HIF1AN: variants seen among roughly 807,000 people sequenced by gnomAD.
HIF1AN encodes the protein hypoxia inducible factor 1 subunit alpha inhibitor, also known as hypoxia-inducible factor 1-alpha inhibitor.
Under a neutral mutation model 47.7 loss-of-function variants are expected in HIF1AN, and 21 were observed. The observed-to-expected ratio is 0.44, with a 90% CI of 0.31 to 0.63. The LOEUF (loss-of-function observed/expected upper bound fraction) is 0.63. HIF1AN is among the 30% of genes least tolerant of loss of function. The probability of loss-of-function intolerance (pLI) is 0.07; values close to 1 mark genes in which losing one functional copy is unlikely to be tolerated. For missense variants in HIF1AN, 320 were observed against 432.7 expected (o/e 0.74, Z 2.31); for synonymous variants, 152 against 155.9 (o/e 0.98, Z 0.18).
chr10:100,548,205 C>G lies in HIF1AN; in HGVS notation c.*68C>G. The G allele has an allele frequency of 7.4e-7, 1 of 1,359,038 alleles. No individual in the cohort carries two copies. The highest frequency in any genetic ancestry group is 1.9e-4 in the Middle Eastern group (1 of 5,324). 84.2% of individuals were successfully genotyped at this position (1,359,038 alleles called of 1,614,324 possible). A position where few individuals can be genotyped will look rare whatever the true frequency, so the allele number is the denominator to read the frequency against. ...GTCCACACCGCTTCATTGATGAGGA[C>G]AGGAGACTCCAAGCGCTAGTATTGC... On this transcript the variant is annotated 3_prime_UTR_variant, in exon 8 of 8. Coordinates refer to ENST00000299163, the MANE Select transcript of HIF1AN (RefSeq NM_017902.3).
In HIF1AN at chr10:100,536,155, C is replaced by T. The variant is rs1449052897; in HGVS notation, c.177+20C>T. The T allele has an allele frequency of 2.5e-6, 4 of 1,573,650 alleles. No individual in the cohort carries two copies. In the African/African-American group the frequency reaches 5.4e-5, roughly 21 times the overall value. On this transcript the variant is annotated intron_variant, in intron 1 of 7. Coordinates refer to ENST00000299163, the MANE Select transcript of HIF1AN (RefSeq NM_017902.3). The stretch of plus-strand genomic sequence containing the variant: ...AATGAGGTGGGGGGCGGGGCCGCGT[C>T]TAAAGGGAGAGGAGGAAGGTACCCG...
At position 100,549,043 on chromosome 10, in the gene HIF1AN, G is replaced by GGT. The variant is rs960226680; in HGVS notation, c.*922_*923dup. The GGT allele has an allele frequency of 3.4e-4, 38 of 111,722 alleles. No individual in the cohort carries two copies. Among genetic ancestry groups the GGT allele is most frequent in the South Asian group, 1.7e-3 (6 of 3,566 alleles). 6.9% of individuals were successfully genotyped at this position (111,722 alleles called of 1,614,324 possible). Reference sequence around the variant, plus strand: ...TCCACACTAGGGGTGCAAGCCTCTGGGTGTGTGTGTGTGTGTGCGTGCGTG... The same window carrying GGT: ...TCCACACTAGGGGTGCAAGCCTCTGGGTGTGTGTGTGTGTGTGTGCGTGCGTG... On this transcript the variant is annotated 3_prime_UTR_variant, in exon 8 of 8. Coordinates refer to ENST00000299163, the MANE Select transcript of HIF1AN (RefSeq NM_017902.3).
chr10:100,539,750 G>A (rs993449013), intron 2 of HIF1AN, among the ~76,000 whole-genome samples: 1 of 152,186 alleles, frequency 6.6e-6, no homozygotes, highest in African/African-American at 2.4e-5. Context: ...GCGTAAATAA[G>A]CAAGCCTGGC....
rs915988721 is a variant in HIF1AN at position 100,558,694 on chromosome 10, A to G, written c.*10557A>G. The G allele has an allele frequency of 3.3e-5, 5 of 152,214 alleles. No individual in the cohort carries two copies. Among genetic ancestry groups the G allele is most frequent in the African/African-American group, 1.2e-4 (5 of 41,456 alleles). The allele number at this position is 152,214 out of a possible 1,614,324, so 9.4% of individuals were successfully genotyped here. A position where few individuals can be genotyped will look rare whatever the true frequency, so the allele number is the denominator to read the frequency against. On this transcript the variant is annotated 3_prime_UTR_variant, in exon 8 of 8. Transcript: ENST00000299163. ...TGTGATAGGGCTTTATGAGGCCACAAATAGCACTTTCTGGGTCCTTTCACA... is the reference window on the plus strand; with the variant it reads ...TGTGATAGGGCTTTATGAGGCCACAGATAGCACTTTCTGGGTCCTTTCACA...
intron 7 of HIF1AN, 142 bp downstream of exon 7, chr10:100,547,392 C>G: frequency 1.7e-6 from 1 of 593,928 alleles, no homozygotes; most frequent in Non-Finnish European, 3.0e-6. Context: ...CAGAAAAATT[C>G]TTGTTTTCTG....
chr10:100,536,836 G>A (rs1028766717), intron 2 of HIF1AN, among the ~76,000 whole-genome samples, 175 bp downstream of exon 2: 5 of 152,164 alleles, frequency 3.3e-5, no homozygotes, highest in African/African-American at 1.2e-4. Flanking sequence ...AGTTCTTAGT[G>A]GTTCTTGGTG....
rs1386952878 is a variant in HIF1AN at position 100,556,994 on chromosome 10, T to G, written c.*8857T>G. 6.6e-6 allele frequency: 1 copy of G among 152,112 alleles called. No individual in the cohort carries two copies. The highest frequency in any genetic ancestry group is 2.4e-5 in the African/African-American group (1 of 41,398). The allele number at this position is 152,112 out of a possible 1,614,324, so 9.4% of individuals were successfully genotyped here. A position where few individuals can be genotyped will look rare whatever the true frequency, so the allele number is the denominator to read the frequency against. Reference sequence around the variant, plus strand: ...CAAGATAATGGTGCTTGAAGTGAAATCACAGAAGAGATGACTGGGGCAGGA... The same window carrying G: ...CAAGATAATGGTGCTTGAAGTGAAAGCACAGAAGAGATGACTGGGGCAGGA... On this transcript the variant is annotated 3_prime_UTR_variant, in exon 8 of 8. Coordinates refer to ENST00000299163, the MANE Select transcript of HIF1AN (RefSeq NM_017902.3).
intron 3 of HIF1AN, among the ~76,000 whole-genome samples, chr10:100,542,130 CAAAAA>C (rs892151506): frequency 1.0e-4 from 14 of 133,408 alleles, no homozygotes; most frequent in African/African-American, 3.6e-4. Flanking sequence ...TTTTTATTGC[CAAAAA>C]AAAAAAAGAT....
chr10:100,548,367 C>T lies in HIF1AN; in HGVS notation c.*230C>T, dbSNP rs1353360785. 2 of 484,882 alleles carry T rather than the reference C, an allele frequency of 4.1e-6. No individual in the cohort carries two copies. The highest frequency in any genetic ancestry group is 7.3e-6 in the Non-Finnish European group (2 of 275,128). 30.0% of individuals were successfully genotyped at this position (484,882 alleles called of 1,614,324 possible). On this transcript the variant is annotated 3_prime_UTR_variant, in exon 8 of 8. Transcript: ENST00000299163. ...TCTTGTGCCCCAGCACCTTCTCTCT[C>T]TGCCCCCCGCCTAAAGTCCTGCATT...
chr10:100,542,846 G>GTTTTTTTTTTTTTTTTT (rs397730143), intron 3 of HIF1AN, among the ~76,000 whole-genome samples: 2 of 111,762 alleles, frequency 1.8e-5, no homozygotes, highest in Non-Finnish European at 3.4e-5. Flanking sequence ...ATGTGAATGT[G>GTTTTTTTTTTTTTTTTT]TTTTTTTTTT....
rs781369678 is a variant in HIF1AN, at chr10:100,540,676, G to T, written c.471G>T (p.Lys157Asn). The part of the protein sequence containing the change: ...QQTLNDTVGR[K>N]IVMDFLGFNW... ...CGCTCAATGACACTGTGGGCAGGAAGATTGTCATGGACTTCTTAGGTTTTA... is the reference window on the plus strand; with the variant it reads ...CGCTCAATGACACTGTGGGCAGGAATATTGTCATGGACTTCTTAGGTTTTA... Residue 157 changes from lysine (K) to asparagine (N), a missense_variant, in exon 3 of 8, where the codon AAG (lysine) becomes AAT (asparagine). Lys to Asn is a moderately conservative substitution (Grantham distance 94, BLOSUM62 0). Coordinates refer to ENST00000299163, the MANE Select transcript of HIF1AN (RefSeq NM_017902.3). 3 of 1,613,866 alleles carry T rather than the reference G, an allele frequency of 1.9e-6. No individual in the cohort carries two copies. Among genetic ancestry groups the T allele is most frequent in the Non-Finnish European group, 2.5e-6 (3 of 1,179,950 alleles).
chr10:100,547,360 C>G, intron 7 of HIF1AN, 110 bp downstream of exon 7: 1 of 692,222 alleles, frequency 1.4e-6, no homozygotes, highest in Non-Finnish European at 2.6e-6. Flanking sequence ...TCCTCTCTCT[C>G]CATAGAGGTT....
At chr10:100,544,885 G>T in intron 3 of HIF1AN, 66 bp from the exon 4 acceptor site, 1 of 1,508,312 alleles carries the variant, frequency 6.6e-7, no homozygotes. Flanking sequence ...TTAGCACTGG[G>T]TCCTGTATTC....
In HIF1AN at chr10:100,553,647, A is replaced by G. The variant is rs997718723; in HGVS notation, c.*5510A>G. On this transcript the variant is annotated 3_prime_UTR_variant, in exon 8 of 8. Transcript: ENST00000299163. ...ATATGTCCTTTAACTTTCAATGGTA[A>G]ACAATCTAGGATAGTGTTTAAAGGC... 2 of 152,248 alleles carry G rather than the reference A, an allele frequency of 1.3e-5. No individual in the cohort carries two copies. The highest frequency in any genetic ancestry group is 2.9e-5 in the Non-Finnish European group (2 of 68,048). The allele number at this position is 152,248 out of a possible 1,614,324, so 9.4% of individuals were successfully genotyped here. A position where few individuals can be genotyped will look rare whatever the true frequency, so the allele number is the denominator to read the frequency against.
intron 5 of HIF1AN, 141 bp downstream of exon 5, chr10:100,546,190 G>A (rs1589753344): frequency 2.4e-5 from 16 of 659,680 alleles, no homozygotes; most frequent in South Asian, 2.4e-4. Flanking sequence ...AGACATGAGC[G>A]TACTGAACCT....
intron 7 of HIF1AN, 63 bp downstream of exon 7, chr10:100,547,313 G>A (rs1031571528): frequency 1.3e-5 from 12 of 958,474 alleles, no homozygotes; most frequent in African/African-American, 4.9e-5. Flanking sequence ...GGATCAGAGC[G>A]ACATTCTTTA....
rs780983095 is a variant in HIF1AN, at chr10:100,536,062, A to G, written c.104A>G (p.Tyr35Cys). The G allele has an allele frequency of 6.2e-7, 1 of 1,612,274 alleles. No homozygotes were observed. Among genetic ancestry groups the G allele is most frequent in the South Asian group, 1.1e-5 (1 of 90,952 alleles). Residue 35 changes from tyrosine (Y) to cysteine (C), a missense_variant, in exon 1 of 8, where the codon TAT becomes TGT. Coordinates refer to ENST00000299163, the MANE Select transcript of HIF1AN (RefSeq NM_017902.3). ...TGGGATGAATCCCAGTTGCGCAGTT[A>G]TAGCTTCCCGACTAGGCCCATTCCG... ...PAWDESQLRS[Y>C]SFPTRPIPRL...
At position 100,536,439 on chromosome 10, in the gene HIF1AN, TTGTGTATCC is replaced by T; in HGVS notation, c.209_217del (p.Val70_Pro72del). ...CCTGTGGTGCTGACCGACACAAATC[TTGTGTATCC>T]TGCCCTGAAATGGGACCTTGAATAC... On this transcript the variant is annotated inframe_deletion, in exon 2 of 8. Coordinates refer to ENST00000299163, the MANE Select transcript of HIF1AN (RefSeq NM_017902.3). 6.2e-7 allele frequency: 1 copy of T among 1,614,160 alleles called. No homozygotes were observed. Among genetic ancestry groups the T allele is most frequent in the Non-Finnish European group, 8.5e-7 (1 of 1,180,014 alleles).
rs1267260900 is a variant in HIF1AN at position 100,554,910 on chromosome 10, T to G, written c.*6773T>G. The G allele has an allele frequency of 6.6e-6, 1 of 152,208 alleles. No individual in the cohort carries two copies. The highest frequency in any genetic ancestry group is 2.4e-5 in the African/African-American group (1 of 41,448). 9.4% of individuals were successfully genotyped at this position (152,208 alleles called of 1,614,324 possible). A position where few individuals can be genotyped will look rare whatever the true frequency, so the allele number is the denominator to read the frequency against. On this transcript the variant is annotated 3_prime_UTR_variant, in exon 8 of 8. Transcript: ENST00000299163. Reference sequence around the variant, plus strand: ...GTGGGATGTTAATAGCTACCATTTGTTGAACACTTCTGTTCCAGGCACTGT... The same window carrying G: ...GTGGGATGTTAATAGCTACCATTTGGTGAACACTTCTGTTCCAGGCACTGT...
Sources: allele counts gnomAD v4.1 joint callset (sites outside exome capture counted in the v4.1 genomes callset), GRCh38; gene constraint gnomAD v4.1.1; transcripts MANE v1.5; gene names NCBI Gene and HGNC (gene_info 2026-07-23, HGNC 2026-07-21).